STARD3: variants seen among roughly 807,000 people sequenced by gnomAD.
STARD3 encodes the protein StAR related lipid transfer domain containing 3, also known as stAR-related lipid transfer protein 3.
STARD3 carries 39 observed loss-of-function variants against 62.0 expected under a neutral mutation model. That is an observed-to-expected ratio of 0.63 (90% CI 0.49 to 0.82). The LOEUF is 0.82. Among genes scored for constraint, STARD3 ranks in the 40% least tolerant of loss-of-function variants. The pLI is 0.00. For missense variants in STARD3, 543 were observed against 584.5 expected, an observed-to-expected ratio of 0.93 and a Z score of 0.73; for synonymous variants, 229 against 242.4, an observed-to-expected ratio of 0.94 and a Z score of 0.51.
Position 39,660,106 on chromosome 17 carries a change from C to A in STARD3, c.796-105C>A. ...GTGTCCCCAAACTCCTGGAGTTTTC[C>A]ACCCTGAGCTGTTAAAAACCTGCCC... On this transcript the variant is annotated intron_variant, in intron 9 of 14. Coordinates refer to ENST00000336308, the MANE Select transcript of STARD3 (RefSeq NM_006804.4). The surrounding 1 kb of genome is among the most constrained non-coding windows in gnomAD (Gnocchi z 4.8). The A allele has an allele frequency of 8.7e-7, 1 of 1,152,762 alleles. No individual in the cohort carries two copies. Among genetic ancestry groups the A allele is most frequent in the Non-Finnish European group, 1.3e-6 (1 of 765,540 alleles). The allele number at this position is 1,152,762 out of a possible 1,614,324, so 71.4% of individuals were successfully genotyped here.
intron 1 of STARD3, among the ~76,000 whole-genome samples, chr17:39,649,737 G>A (rs183571526): frequency 1.1e-3 from 167 of 152,128 alleles, no homozygotes; most frequent in African/African-American, 3.7e-3. Flanking sequence ...ATGGTGGCAC[G>A]TGCCTGTAAT....
In STARD3 at chr17:39,660,148, C is replaced by A; in HGVS notation, c.796-63C>A. The A allele has an allele frequency of 6.3e-7, 1 of 1,576,958 alleles. No individual in the cohort carries two copies. Among genetic ancestry groups the A allele is most frequent in the East Asian group, 2.2e-5 (1 of 44,660 alleles). ...AACCTGCCCTGCCTGTCACCCATTT[C>A]TGTGCCACCAGCCCACCCCCTGCCT... On this transcript the variant is annotated intron_variant, in intron 9 of 14. Coordinates refer to ENST00000336308, the MANE Select transcript of STARD3 (RefSeq NM_006804.4). This position sits in a 1 kb window ranked among gnomAD's most constrained non-coding sequence, Gnocchi z 4.8.
Position 39,660,327 on chromosome 17 carries a change from G to T in STARD3, c.858+54G>T. Reference sequence around the variant, plus strand: ...CCCCAGACAGCACAGGAGGCTCCAGGAAGGTGCCGAGGGGCCCTCTGGTGG... The same window carrying T: ...CCCCAGACAGCACAGGAGGCTCCAGTAAGGTGCCGAGGGGCCCTCTGGTGG... On this transcript the variant is annotated intron_variant, in intron 10 of 14. Coordinates refer to ENST00000336308, the MANE Select transcript of STARD3 (RefSeq NM_006804.4). The surrounding 1 kb of genome is among the most constrained non-coding windows in gnomAD (Gnocchi z 4.8). 1 of 1,613,018 alleles carries T rather than the reference G, an allele frequency of 6.2e-7. No homozygotes were observed. Among genetic ancestry groups the T allele is most frequent in the Admixed American group, 1.7e-5 (1 of 60,022 alleles).
chr17:39,648,051 T>C (rs996939041), intron 1 of STARD3, among the ~76,000 whole-genome samples: 5 of 152,074 alleles, frequency 3.3e-5, no homozygotes, highest in South Asian at 2.1e-4. Context: ...TTTGGGAGGC[T>C]GAGGCGGGCG....
In STARD3 at chr17:39,663,469, TA is replaced by T. The variant is rs397857339; in HGVS notation, c.*576del. The T allele has an allele frequency of 0.071, 10,178 of 143,906 alleles. 384 individuals are homozygous for T. Among genetic ancestry groups the T allele is most frequent in the African/African-American group, 0.11 (4,366 of 38,600 alleles). 8.9% of individuals were successfully genotyped at this position (143,906 alleles called of 1,614,324 possible). A position where few individuals can be genotyped will look rare whatever the true frequency, so the allele number is the denominator to read the frequency against. On this transcript the variant is annotated 3_prime_UTR_variant, in exon 15 of 15. Transcript: ENST00000336308. ...ATTAAGCCAATTAAAAACATGAATT[TA>T]AAAAAAAAAAAAAATTCCAGCCCCT... is the stretch of plus-strand genomic sequence containing the variant.
intron 1 of STARD3, among the ~76,000 whole-genome samples, chr17:39,646,957 T>C (rs1417156704): frequency 1.3e-5 from 2 of 151,952 alleles, no homozygotes; most frequent in African/African-American, 4.8e-5. Flanking sequence ...ATCCCAGCAC[T>C]TTGGGAGGCC....
chr17:39,653,756 T>C lies in STARD3; in HGVS notation c.219+6T>C, dbSNP rs973074607. The C allele has an allele frequency of 7.4e-6, 12 of 1,613,536 alleles. No homozygotes were observed. The highest frequency in any genetic ancestry group is 1.1e-5 in the South Asian group (1 of 91,062). ...TCTGGATCATCGAACTGAATGTGAGTGGGGGCGAGGTGGGGGCACAGGCCA... is the reference window on the plus strand; with the variant it reads ...TCTGGATCATCGAACTGAATGTGAGCGGGGGCGAGGTGGGGGCACAGGCCA... On this transcript the variant is annotated splice_donor_region_variant and intron_variant, in intron 2 of 14. Transcript: ENST00000336308.
At chr17:39,657,877 T>C (rs774626187) in intron 4 of STARD3, 25 bp downstream of exon 4, 2 of 1,614,188 alleles carry the variant, frequency 1.2e-6, no homozygotes, top group Admixed American at 3.3e-5. Flanking sequence ...TCCTGGCAGC[T>C]TCTGGGCCCT....
rs1392345812 is a variant in STARD3, at chr17:39,659,404, A to G, written c.703-57A>G. The G allele has an allele frequency of 1.9e-6, 3 of 1,544,482 alleles. No homozygotes were observed. In the African/African-American group the frequency reaches 4.1e-5, roughly 21 times the overall value. On this transcript the variant is annotated intron_variant, in intron 8 of 14. Transcript: ENST00000336308. ...ATGTCTAGAGAGAGAACAGGCCACGAACATGGTGGACTGCAGGCCCCAGGC... is the reference window on the plus strand; with the variant it reads ...ATGTCTAGAGAGAGAACAGGCCACGGACATGGTGGACTGCAGGCCCCAGGC...
At chr17:39,639,379 A>G (rs748703295) in intron 1 of STARD3, among the ~76,000 whole-genome samples, 10 of 152,220 alleles carry the variant, frequency 6.6e-5, no homozygotes, top group Non-Finnish European at 1.5e-4. Flanking sequence ...GTTACATGGC[A>G]AGCATTAAAT....
chr17:39,659,893 A>C, intron 9 of STARD3: 1 of 522,180 alleles, frequency 1.9e-6, no homozygotes, highest in South Asian at 2.3e-5. Context: ...AGAGCTTGGA[A>C]AACAGAGAGC....
chr17:39,645,069 T>G (rs2057012825), intron 1 of STARD3, among the ~76,000 whole-genome samples: 1 of 152,160 alleles, frequency 6.6e-6, no homozygotes, highest in South Asian at 2.1e-4. Flanking sequence ...GGGAGGCGGC[T>G]TAGCCATCCT....
chr17:39,639,556 C>A (rs2056964967), intron 1 of STARD3, among the ~76,000 whole-genome samples: 1 of 152,214 alleles, frequency 6.6e-6, no homozygotes, highest in South Asian at 2.1e-4. Context: ...CTGAACAGAG[C>A]TCCAGTAGAT....
chr17:39,664,002 G>A lies in STARD3; in HGVS notation c.*1094G>A, dbSNP rs45450597. Among the ~76,000 whole-genome samples, 33 of 152,246 alleles carry A rather than the reference G, an allele frequency of 2.2e-4. No individual in the cohort carries two copies. Among genetic ancestry groups the A allele is most frequent in the Non-Finnish European group, 3.8e-4 (26 of 68,012 alleles). ...ACTGCCTGCCTTCCTCCTCCCTCCCGGCTGGCCTGCCCCCTTGCCTGCCTG... is the reference window on the plus strand; with the variant it reads ...ACTGCCTGCCTTCCTCCTCCCTCCCAGCTGGCCTGCCCCCTTGCCTGCCTG... On this transcript the variant is annotated 3_prime_UTR_variant, in exon 15 of 15. Coordinates refer to ENST00000336308, the MANE Select transcript of STARD3 (RefSeq NM_006804.4).
intron 1 of STARD3, among the ~76,000 whole-genome samples, chr17:39,649,570 A>G (rs900082696): frequency 1.2e-4 from 18 of 152,362 alleles, no homozygotes; most frequent in Middle Eastern, 3.4e-3. Flanking sequence ...GAAAGAAAGG[A>G]TATAAGAAAT....
Position 39,663,398 on chromosome 17 carries a change from T to G in STARD3, c.*490T>G. 1.3e-5 allele frequency: 3 copies of G among 239,690 alleles called. No homozygotes were observed. The highest frequency in any genetic ancestry group is 2.4e-5 in the Non-Finnish European group (3 of 125,552). 14.8% of individuals were successfully genotyped at this position (239,690 alleles called of 1,614,324 possible). Reference sequence around the variant, plus strand: ...GCTGCTGGCCATGAATCTCTGCCTCTCCCAGGCTGTCCCCCTCCTCCCAGG... The same window carrying G: ...GCTGCTGGCCATGAATCTCTGCCTCGCCCAGGCTGTCCCCCTCCTCCCAGG... On this transcript the variant is annotated 3_prime_UTR_variant, in exon 15 of 15. Transcript: ENST00000336308.
rs1489411202 is a variant in STARD3, at chr17:39,660,460, G to A, written c.888G>A (p.Val296=). Residue 296 remains valine, a synonymous_variant, in exon 11 of 15, where the codon GTG becomes GTA. Transcript: ENST00000336308. This position sits in a 1 kb window ranked among gnomAD's most constrained non-coding sequence, Gnocchi z 4.8. The stretch of plus-strand genomic sequence containing the variant: ...TCCTGCCCTGTCCTGCGGAGCTCGT[G>A]TACCAGGAGGTGATCCTGCAGCCCG... ...KTFLPCPAEL[V]YQEVILQPER... 1 of 1,613,876 alleles carries A rather than the reference G, an allele frequency of 6.2e-7. No individual in the cohort carries two copies. The highest frequency in any genetic ancestry group is 8.5e-7 in the Non-Finnish European group (1 of 1,180,046).
At position 39,662,441 on chromosome 17, in the gene STARD3, C is replaced by G. The variant is rs78374585; in HGVS notation, c.1233+97C>G. On this transcript the variant is annotated intron_variant, in intron 14 of 14. Coordinates refer to ENST00000336308, the MANE Select transcript of STARD3 (RefSeq NM_006804.4). Reference sequence around the variant, plus strand: ...ATGACTTTGGGGGCTCTCTGCCATGCCTGGGCCTCCCCTTTGTCAGCCACC... The same window carrying G: ...ATGACTTTGGGGGCTCTCTGCCATGGCTGGGCCTCCCCTTTGTCAGCCACC... 3,770 of 1,177,414 alleles carry G rather than the reference C, an allele frequency of 3.2e-3. 98 individuals carry two copies. In the African/African-American group the frequency reaches 0.051, roughly 16 times the overall value. 72.9% of individuals were successfully genotyped at this position (1,177,414 alleles called of 1,614,324 possible).
intron 1 of STARD3, among the ~76,000 whole-genome samples, chr17:39,647,427 C>T (rs999355002): frequency 3.3e-5 from 5 of 152,144 alleles, no homozygotes; most frequent in African/African-American, 1.2e-4. Flanking sequence ...GGGTGCTGCT[C>T]CCAGGGGGCT....
Sources: allele counts gnomAD v4.1 joint callset (sites outside exome capture counted in the v4.1 genomes callset), GRCh38; gene constraint gnomAD v4.1.1; non-coding constraint Gnocchi (gnomAD v3.1); transcripts MANE v1.5; gene names NCBI Gene and HGNC (gene_info 2026-07-23, HGNC 2026-07-21).